The following TMEM232 variants were observed in gnomAD, a reference collection of about 807,000 sequenced individuals.
TMEM232 encodes transmembrane protein 232.
A neutral mutation model predicts 78.8 loss-of-function variants in TMEM232; 80 were observed. The ratio of observed to expected loss-of-function variants is 1.01; its 90% confidence interval spans 0.85 to 1.22. TMEM232 has a LOEUF of 1.22. Ranked by LOEUF, TMEM232 falls within the 50% of genes most tolerant of loss-of-function variation. The pLI is 0.00. For missense variants in TMEM232, 881 were observed against 742.2 expected (o/e 1.19, Z -2.17); for synonymous variants, 297 against 254.3 (o/e 1.17, Z -1.60).
chr5:110,638,949 C>T (rs1381606444), intron 4 of TMEM232, among the ~76,000 whole-genome samples: 2 of 152,034 alleles, frequency 1.3e-5, no homozygotes, highest in African/African-American at 4.8e-5. Flanking sequence ...ACCGGTGAAG[C>T]TGAAGGAAGA....
intron 11 of TMEM232, among the ~76,000 whole-genome samples, chr5:110,547,840 A>C (rs1773964148): frequency 6.6e-6 from 1 of 151,890 alleles, no homozygotes; most frequent in African/African-American, 2.4e-5. Context: ...TCTACTAAAA[A>C]TACAAAAATT....
chr5:110,458,723 A>G (rs781088721), intron 12 of TMEM232, among the ~76,000 whole-genome samples: 3 of 152,156 alleles, frequency 2.0e-5, no homozygotes, highest in South Asian at 2.1e-4. Flanking sequence ...AGTTTTTAAG[A>G]CTATATATTT....
chr5:110,435,360 C>G (rs1758307448), intron 12 of TMEM232, among the ~76,000 whole-genome samples: 1 of 151,452 alleles, frequency 6.6e-6, no homozygotes. Context: ...TGGGTATATA[C>G]TAGGTATATA....
intron 11 of TMEM232, among the ~76,000 whole-genome samples, chr5:110,531,473 C>T (rs1313284784): frequency 1.3e-5 from 2 of 152,156 alleles, no homozygotes; most frequent in Non-Finnish European, 2.9e-5. Flanking sequence ...ATTTCAAATC[C>T]GGTAAGTGGC....
intron 1 of TMEM232, among the ~76,000 whole-genome samples, chr5:110,699,749 A>G (rs1490551631): frequency 6.6e-6 from 1 of 152,026 alleles, no homozygotes; most frequent in African/African-American, 2.4e-5. Flanking sequence ...ACTTGGTTTC[A>G]GAACTGCCTT....
intron 1 of TMEM232, among the ~76,000 whole-genome samples, chr5:110,717,112 T>C (rs1350049615): frequency 6.6e-6 from 1 of 152,100 alleles, no homozygotes; most frequent in Non-Finnish European, 1.5e-5. Flanking sequence ...TTTATTCTTC[T>C]CAGACAACTG....
intron 1 of TMEM232, among the ~76,000 whole-genome samples, chr5:110,709,660 G>A (rs1363414527): frequency 6.6e-6 from 1 of 151,906 alleles, no homozygotes; most frequent in African/African-American, 2.4e-5. Context: ...AAATTAAGGT[G>A]GAAATTTAAA....
At chr5:110,606,657 T>A (rs1269329169) in intron 8 of TMEM232, among the ~76,000 whole-genome samples, 1 of 151,884 alleles carries the variant, frequency 6.6e-6, no homozygotes, top group Non-Finnish European at 1.5e-5. Context: ...CAAGGTGAAT[T>A]TCAAGAGAGT....
At chr5:110,737,647 C>CT in intron 1 of TMEM232, among the ~76,000 whole-genome samples, 1 of 152,176 alleles carries the variant, frequency 6.6e-6, no homozygotes, top group African/African-American at 2.4e-5. Context: ...TTTACACTTC[C>CT]TTTTTTTGTA....
At chr5:110,393,773 A>G (rs752839216) in intron 3 of TMEM232, among the ~76,000 whole-genome samples, 34 of 152,008 alleles carry the variant, frequency 2.2e-4, no homozygotes, top group Non-Finnish European at 4.0e-4. Flanking sequence ...CCTCACCAAC[A>G]TGGTGAAACC....
At chr5:110,397,493 A>G (rs2112564608) in intron 3 of TMEM232, among the ~76,000 whole-genome samples, 1 of 152,254 alleles carries the variant, frequency 6.6e-6, no homozygotes, top group South Asian at 2.1e-4. Flanking sequence ...ATAGTGCTGA[A>G]GTCTATGAAA....
At chr5:110,731,335 G>A (rs536563106), upstream of TMEM232, among the ~76,000 whole-genome samples, 2 of 152,298 alleles carry the variant, frequency 1.3e-5, no homozygotes, top group South Asian at 4.1e-4. Flanking sequence ...TCTGGAGGAT[G>A]GTGGCCCTCT....
At chr5:110,406,882 C>T (rs1464302680) in intron 2 of TMEM232, among the ~76,000 whole-genome samples, 1 of 152,016 alleles carries the variant, frequency 6.6e-6, no homozygotes, top group African/African-American at 2.4e-5. Context: ...TTGCTTATTT[C>T]TATTCTTTGG....
chr5:110,571,394 G>T (rs1417798511), intron 10 of TMEM232, among the ~76,000 whole-genome samples: 5 of 152,128 alleles, frequency 3.3e-5, no homozygotes, highest in African/African-American at 7.2e-5. Context: ...ACAAAACTGG[G>T]AAAGTCCACA....
At chr5:110,617,831 CAAACAAACAA>C (rs746273908) in intron 8 of TMEM232, 4,624 of 154,808 alleles carry the variant, frequency 0.03, 257 homozygotes, top group East Asian at 0.24. Context: ...AACAAACAAA[CAAACAAACAA>C]AACACCTACA....
intron 5 of TMEM232, among the ~76,000 whole-genome samples, chr5:110,636,558 G>T (rs1009560907): frequency 6.6e-6 from 1 of 151,848 alleles, no homozygotes; most frequent in African/African-American, 2.4e-5. Context: ...ATCAATAGAA[G>T]AAAAAATAAG....
chr5:110,539,927 C>G (rs1340168511), intron 11 of TMEM232, among the ~76,000 whole-genome samples: 1 of 152,136 alleles, frequency 6.6e-6, no homozygotes, highest in East Asian at 1.9e-4. Flanking sequence ...CCATACCAAG[C>G]AACAGCTTTG....
intron 1 of TMEM232, among the ~76,000 whole-genome samples, chr5:110,714,058 T>C (rs577619240): frequency 6.6e-6 from 1 of 152,278 alleles, no homozygotes; most frequent in South Asian, 2.1e-4. Flanking sequence ...CAATACTTTC[T>C]AAGGACAGAG....
intron 5 of TMEM232, among the ~76,000 whole-genome samples, chr5:110,634,135 G>A (rs1785499977): frequency 6.6e-6 from 1 of 151,896 alleles, no homozygotes; most frequent in Non-Finnish European, 1.5e-5. Flanking sequence ...ATCAATCCAG[G>A]AAGAGGATAT....
Sources: gnomAD v4.1 joint callset for allele counts (sites outside exome capture counted in the v4.1 genomes callset) on GRCh38, gnomAD v4.1.1 for gene constraint, MANE v1.5 for transcripts, NCBI Gene and HGNC (gene_info 2026-07-23, HGNC 2026-07-21) for gene names.